Variants in ZFP90 observed in about 807,000 individuals in gnomAD.
ZFP90 encodes zinc finger protein 90 homolog.
In ZFP90, 38 loss-of-function variants were observed where a neutral mutation model predicts 60.8. That is an observed-to-expected ratio of 0.62 (90% CI 0.48 to 0.82). The LOEUF (loss-of-function observed/expected upper bound fraction) is 0.82. ZFP90 is among the 40% of genes least tolerant of loss of function. The pLI, the probability that ZFP90 is intolerant of heterozygous loss-of-function variation, is 0.00. For missense variants in ZFP90, 711 were observed against 759.1 expected (o/e 0.94, Z 0.74); for synonymous variants, 287 against 264.8 (o/e 1.08, Z -0.82).
intron 2 of ZFP90, among the ~76,000 whole-genome samples, chr16:68,543,786 C>T (rs776660291): frequency 7.9e-5 from 12 of 151,440 alleles, no homozygotes; most frequent in Non-Finnish European, 1.8e-4. Flanking sequence ...GTCTCGATCT[C>T]CTGACCTCAT....
At chr16:68,570,424 C>CT (rs1453841702), downstream of ZFP90, among the ~76,000 whole-genome samples, 1 of 152,220 alleles carries the variant, frequency 6.6e-6, no homozygotes, top group Non-Finnish European at 1.5e-5. Context: ...CAAGTGAGCA[C>CT]TTGTGGACAG....
At chr16:68,575,535 CAAAAA>C (rs34872149) in intron 2 of ZFP90, among the ~76,000 whole-genome samples, 19,798 of 82,362 alleles carry the variant, frequency 0.24, 1,512 homozygotes, top group Middle Eastern at 0.33. Flanking sequence ...TGTGAGTATG[CAAAAA>C]AAAAAAAAAA....
upstream of ZFP90, among the ~76,000 whole-genome samples, chr16:68,534,907 AAAAT>A (rs909815807): frequency 3.2e-4 from 49 of 152,286 alleles, no homozygotes; most frequent in Middle Eastern, 6.8e-3. Context: ...ACTGTCTCAA[AAAAT>A]AAATAAATAA....
intron 2 of ZFP90, among the ~76,000 whole-genome samples, chr16:68,572,752 G>T (rs531305554): frequency 6.6e-6 from 1 of 152,344 alleles, no homozygotes; most frequent in South Asian, 2.1e-4. Flanking sequence ...CTTCACAGCT[G>T]TCACCTGGAG....
intron 2 of ZFP90, among the ~76,000 whole-genome samples, chr16:68,544,811 C>T (rs1045917952): frequency 4.0e-5 from 6 of 151,054 alleles, no homozygotes; most frequent in Non-Finnish European, 8.8e-5. Flanking sequence ...ATTGCACCTT[C>T]CCGTGTAACG....
At position 68,563,925 on chromosome 16, in the gene ZFP90, TC is replaced by T. The variant is rs1213279295; in HGVS notation, c.1141del (p.Val382SerfsTer32). 1.2e-6 allele frequency: 2 copies of T among 1,613,980 alleles called. No homozygotes were observed. The highest frequency in any genetic ancestry group is 1.7e-6 in the Non-Finnish European group (2 of 1,180,022). ...ECGKAFSRCS[S>X]LVQHERTHTG... is the part of the protein sequence containing the mutation. Reference sequence around the variant, plus strand: ...TGGGAAAGCCTTTAGTCGATGTTCTTCCCTTGTCCAACATGAGAGGACTCAT... The same window carrying T: ...TGGGAAAGCCTTTAGTCGATGTTCTTCCTTGTCCAACATGAGAGGACTCAT... On this transcript the variant is annotated frameshift_variant, in exon 5 of 5. Coordinates refer to ENST00000563169, the MANE Select transcript of ZFP90 (RefSeq NM_001305203.2). LOFTEE classifies it high-confidence loss of function.
At chr16:68,576,482 C>T (rs947282618), downstream of ZFP90, among the ~76,000 whole-genome samples, 1 of 152,150 alleles carries the variant, frequency 6.6e-6, no homozygotes, top group Non-Finnish European at 1.5e-5. Flanking sequence ...CACGGTGGCT[C>T]ACGCCTGTAA....
At chr16:68,535,112 C>T (rs147113756), upstream of ZFP90, among the ~76,000 whole-genome samples, 3 of 152,114 alleles carry the variant, frequency 2.0e-5, no homozygotes, top group African/African-American at 4.8e-5. Flanking sequence ...TGGGGAAGTT[C>T]TTTGAAGCCT....
Position 68,545,849 on chromosome 16 carries a change from CT to C in ZFP90, c.33+6026del, listed in dbSNP as rs375865493. ...CTGTTTCAAAAATAAGATTCTTTTCCTTACTTTTCCGTGTTGTATTACTTTT... is the reference window on the plus strand; with the variant it reads ...CTGTTTCAAAAATAAGATTCTTTTCCTACTTTTCCGTGTTGTATTACTTTT... On this transcript the variant is annotated intron_variant, in intron 2 of 4. Coordinates refer to ENST00000563169, the MANE Select transcript of ZFP90 (RefSeq NM_001305203.2). Among the ~76,000 whole-genome samples, 684 of 151,938 alleles carry C rather than the reference CT, an allele frequency of 4.5e-3. 8 individuals are homozygous for C. The highest frequency in any genetic ancestry group is 0.015 in the African/African-American group (638 of 41,454).
upstream of ZFP90, among the ~76,000 whole-genome samples, chr16:68,538,846 TTC>T (rs1337257726): frequency 7.9e-5 from 12 of 152,200 alleles, no homozygotes; most frequent in African/African-American, 2.7e-4. Flanking sequence ...TGTCCGAAGT[TTC>T]TTTTTTCTCT....
chr16:68,539,686 A>AGGTGG (rs1174764738), intron 1 of ZFP90, 72 bp from the exon 2 acceptor site: 3 of 831,282 alleles, frequency 3.6e-6, no homozygotes, highest in Non-Finnish European at 4.5e-6. Context: ...TTAGGGGCGG[A>AGGTGG]GGTGGGGCGG....
At chr16:68,549,678 CAAAAAAAAA>C (rs35335958) in intron 2 of ZFP90, among the ~76,000 whole-genome samples, 1 of 62,938 alleles carries the variant, frequency 1.6e-5, no homozygotes, top group Non-Finnish European at 2.7e-5. Flanking sequence ...GACTCCATCT[CAAAAAAAAA>C]AAAAAAAAAA....
downstream of ZFP90, among the ~76,000 whole-genome samples, chr16:68,576,385 A>G (rs2091594317): frequency 6.6e-6 from 1 of 152,234 alleles, no homozygotes; most frequent in Admixed American, 6.5e-5. Flanking sequence ...GTAACAATGC[A>G]AACAATAGGC....
intron 4 of ZFP90, chr16:68,562,041 C>T (rs1427055837): frequency 6.6e-6 from 1 of 152,178 alleles, no homozygotes; most frequent in Non-Finnish European, 1.5e-5. Flanking sequence ...CTTTAGCCAT[C>T]TATCAATCCA....
chr16:68,563,175 C>A lies in ZFP90; in HGVS notation c.388C>A (p.Gln130Lys). Reference protein sequence around the residue: ...SWDVSSQLDRQQENWKRHLGS... With the variant: ...SWDVSSQLDRKQENWKRHLGS... The stretch of plus-strand genomic sequence containing the variant: ...GGATGTTAGCAGCCAGTTAGACAGG[C>A]AACAGGAAAACTGGAAGAGACATCT... The change falls in exon 5 of 5, where the codon CAA (glutamine) becomes AAA (lysine). Residue 130 changes from glutamine to lysine, a missense_variant. Gln to Lys is a moderately conservative substitution (Grantham distance 53). Around this residue, in one of 5 missense-constraint regions of ZFP90, gnomAD observed 241 missense variants for 247.6 expected, o/e 0.97. Coordinates refer to ENST00000563169, the MANE Select transcript of ZFP90 (RefSeq NM_001305203.2). The A allele has an allele frequency of 1.2e-6, 2 of 1,614,038 alleles. No individual in the cohort carries two copies. The highest frequency in any genetic ancestry group is 2.2e-5 in the East Asian group (1 of 44,884).
chr16:68,539,863 C>T (rs779542318), intron 2 of ZFP90, 38 bp downstream of exon 2: 51 of 1,598,396 alleles, frequency 3.2e-5, no homozygotes, highest in East Asian at 4.5e-5. Flanking sequence ...GCATCCCATC[C>T]ATCTATCCAT....
At chr16:68,568,305 G>T (rs1385604608), downstream of ZFP90, among the ~76,000 whole-genome samples, 2 of 152,170 alleles carry the variant, frequency 1.3e-5, no homozygotes, top group Non-Finnish European at 2.9e-5. Flanking sequence ...AAAGAAGACT[G>T]GTAGGTAAAT....
intron 2 of ZFP90, among the ~76,000 whole-genome samples, chr16:68,573,128 T>G (rs2152079103): frequency 6.6e-6 from 1 of 152,304 alleles, no homozygotes; most frequent in South Asian, 2.1e-4. Flanking sequence ...AAAACCCAGA[T>G]GTATGTTCAC....
Position 68,565,878 on chromosome 16 carries a change from A to C in ZFP90, c.*1180A>C. 1 of 981,578 alleles carries C rather than the reference A, an allele frequency of 1.0e-6. No individual in the cohort carries two copies. Among genetic ancestry groups the C allele is most frequent in the Non-Finnish European group, 1.2e-6 (1 of 826,518 alleles). The allele number at this position is 981,578 out of a possible 1,614,324, so 60.8% of individuals were successfully genotyped here. The stretch of plus-strand genomic sequence containing the variant: ...GGTGTCTCACACCTGTAATCCCAGC[A>C]CTTTGGGTGGCTAAGGCAGATAGAC... On this transcript the variant is annotated 3_prime_UTR_variant, in exon 5 of 5. Transcript: ENST00000563169.
Sources: allele counts gnomAD v4.1 joint callset (sites outside exome capture counted in the v4.1 genomes callset), GRCh38; gene constraint gnomAD v4.1.1; regional missense constraint gnomAD v4.1.1; transcripts MANE v1.5; gene names NCBI Gene and HGNC (gene_info 2026-07-23, HGNC 2026-07-21).